The following IL22 variants were observed in gnomAD, a reference collection of about 807,000 sequenced individuals.
IL22 encodes interleukin-22.
Under a neutral mutation model 15.5 loss-of-function variants are expected in IL22, and 15 were observed. The observed-to-expected ratio is 0.97, with a 90% CI of 0.65 to 1.49. The LOEUF is 1.49. Among genes scored for constraint, IL22 ranks in the 40% most tolerant of loss-of-function variants. The probability of loss-of-function intolerance (pLI) is 0.00; values close to 1 mark genes in which losing one functional copy is unlikely to be tolerated. For synonymous variants in IL22, 91 were observed against 82.0 expected (o/e 1.11, Z -0.60); for missense variants, 225 against 215.4 (o/e 1.04, Z -0.28).
In IL22 at chr12:68,252,560, A is replaced by G; in HGVS notation, c.340T>C (p.Tyr114His). 1.2e-6 allele frequency: 2 copies of G among 1,614,000 alleles called. No individual in the cohort carries two copies. Among genetic ancestry groups the G allele is most frequent in the Non-Finnish European group, 1.7e-6 (2 of 1,179,922 alleles). The change falls in exon 4 of 6, where the codon TAT becomes CAT. Residue 114 changes from tyrosine (Y) to histidine (H), a missense_variant. Physicochemically the swap from Tyr to His is moderately conservative, Grantham distance 83 (BLOSUM62 2). Transcript: ENST00000538666. Reference sequence around the variant, plus strand: ...AGGAAGGGCACCACCTCCTGCATATAAGGCTGGAACCTATCAGATTGAGGG... The same window carrying G: ...AGGAAGGGCACCACCTCCTGCATATGAGGCTGGAACCTATCAGATTGAGGG... ...LFPQSDRFQPYMQEVVPFLAR... is the reference protein window; with the variant it reads ...LFPQSDRFQPHMQEVVPFLAR...
intron 3 of IL22, 43 bp from the exon 4 acceptor site, chr12:68,252,690 C>T: frequency 6.2e-7 from 1 of 1,613,460 alleles, no homozygotes; most frequent in Non-Finnish European, 8.5e-7. Context: ...AGGGATAAGA[C>T]CTAAACCATC....
rs1228193212 is a variant in IL22, at chr12:68,251,658, C to A, written c.397-80G>T. On this transcript the variant is annotated intron_variant, in intron 4 of 5. Transcript: ENST00000538666. The stretch of plus-strand genomic sequence containing the variant: ...CCTCCACACCCATGGAGGTACAGTA[C>A]AATTCACCTGGAATTAAAGCTCTTA... 11 of 1,021,870 alleles carry A rather than the reference C, an allele frequency of 1.1e-5. No homozygotes were observed. In the Admixed American group the frequency reaches 1.3e-4, roughly 12 times the overall value. The allele number at this position is 1,021,870 out of a possible 1,614,324, so 63.3% of individuals were successfully genotyped here. A position where few individuals can be genotyped will look rare whatever the true frequency, so the allele number is the denominator to read the frequency against.
chr12:68,250,298 A>G (rs1869882895), intron 5 of IL22, among the ~76,000 whole-genome samples: 1 of 152,248 alleles, frequency 6.6e-6, no homozygotes, highest in Admixed American at 6.5e-5. Flanking sequence ...TTTTTTAAGC[A>G]AGATGTGTAA....
chr12:68,252,284 A>C (rs1869958229), intron 4 of IL22, among the ~76,000 whole-genome samples: 1 of 152,176 alleles, frequency 6.6e-6, no homozygotes, highest in African/African-American at 2.4e-5. Flanking sequence ...CTGTACACTT[A>C]AGTTCCAGAC....
chr12:68,250,630 C>T (rs1009103547), intron 5 of IL22, among the ~76,000 whole-genome samples: 1 of 152,154 alleles, frequency 6.6e-6, no homozygotes. Flanking sequence ...GGGTGAGTCA[C>T]TATTGTTAGT....
At chr12:68,253,238 G>A (rs764799545) in intron 2 of IL22, 25 bp downstream of exon 2, 7 of 1,585,244 alleles carry the variant, frequency 4.4e-6, no homozygotes, top group Non-Finnish European at 6.0e-6. Context: ...GATCCAACGA[G>A]AAAGAGCAGG....
intron 2 of IL22, 146 bp from the exon 3 acceptor site, chr12:68,252,975 A>G (rs1869989264): frequency 1.5e-6 from 1 of 662,278 alleles, no homozygotes; most frequent in Admixed American, 2.9e-5. Flanking sequence ...GTTTAGAACA[A>G]TGCACAGAGG....
At position 68,248,612 on chromosome 12, in the gene IL22, G is replaced by A. The variant is rs1359820743; in HGVS notation, c.*187C>T. On this transcript the variant is annotated 3_prime_UTR_variant, in exon 6 of 6. Coordinates refer to ENST00000538666, the MANE Select transcript of IL22 (RefSeq NM_020525.5). ...CTATGCTTAGAAAGTCTACCTTCTG[G>A]TCTTATAAACAAAAGTGGCATTGGT... 3.6e-6 allele frequency: 2 copies of A among 558,712 alleles called. No homozygotes were observed. Among genetic ancestry groups the A allele is most frequent in the Non-Finnish European group, 6.3e-6 (2 of 315,504 alleles). 34.6% of individuals were successfully genotyped at this position (558,712 alleles called of 1,614,324 possible).
chr12:68,253,559 T>G, intron 1 of IL22, 24 bp downstream of exon 1: 4 of 790,762 alleles, frequency 5.1e-6, no homozygotes, highest in South Asian at 2.4e-5. Flanking sequence ...TAACCAATTG[T>G]ACCAAGTTTG....
At position 68,248,571 on chromosome 12, in the gene IL22, T is replaced by A; in HGVS notation, c.*228A>T. The A allele has an allele frequency of 9.3e-6, 4 of 431,228 alleles. No individual in the cohort carries two copies. Among genetic ancestry groups the A allele is most frequent in the Non-Finnish European group, 1.6e-5 (4 of 243,118 alleles). The allele number at this position is 431,228 out of a possible 1,614,324, so 26.7% of individuals were successfully genotyped here. A position where few individuals can be genotyped will look rare whatever the true frequency, so the allele number is the denominator to read the frequency against. On this transcript the variant is annotated 3_prime_UTR_variant, in exon 6 of 6. Coordinates refer to ENST00000538666, the MANE Select transcript of IL22 (RefSeq NM_020525.5). ...GTATAGAACACCAGTTACAATGAAATGTTATCAATAAATATCTATGCTTAG... is the reference window on the plus strand; with the variant it reads ...GTATAGAACACCAGTTACAATGAAAAGTTATCAATAAATATCTATGCTTAG...
intron 4 of IL22, 113 bp downstream of exon 4, chr12:68,252,391 A>G (rs536341303): frequency 9.3e-7 from 1 of 1,072,070 alleles, no homozygotes; most frequent in African/African-American, 1.6e-5. Flanking sequence ...CTGCCAAGAC[A>G]CTTCTTCCTG....
At chr12:68,250,090 A>G (rs1379950933) in intron 5 of IL22, among the ~76,000 whole-genome samples, 1 of 152,178 alleles carries the variant, frequency 6.6e-6, no homozygotes, top group African/African-American at 2.4e-5. Context: ...TCTCTGAACA[A>G]CATTGCTCTC....
rs747223387 is a variant in IL22, at chr12:68,248,868, C to G, written c.471G>C (p.Glu157Asp). 16 of 1,611,960 alleles carry G rather than the reference C, an allele frequency of 9.9e-6. No individual in the cohort carries two copies. In the Admixed American group the frequency reaches 1.8e-4, roughly 18 times the overall value. ...KLKDTVKKLG[E>D]SGEIKAIGEL... is the part of the protein sequence containing the mutation. ...CTCCAATTGCTTTGATCTCTCCACT[C>G]TCTCCAAGCTGTGAAAATAAGAATG... Residue 157 changes from glutamate to aspartate, a missense_variant, in exon 6 of 6, where the codon GAG becomes GAC. By Grantham distance (45) the Glu-to-Asp change is conservative. Coordinates refer to ENST00000538666, the MANE Select transcript of IL22 (RefSeq NM_020525.5).
intron 2 of IL22, 81 bp from the exon 3 acceptor site, chr12:68,252,910 G>C: frequency 3.8e-6 from 4 of 1,058,598 alleles, no homozygotes; most frequent in South Asian, 1.3e-5. Flanking sequence ...GCCCCATCCC[G>C]TCTCCCCAGA....
intron 5 of IL22, among the ~76,000 whole-genome samples, chr12:68,249,708 A>G (rs1161318644): frequency 6.6e-6 from 1 of 152,182 alleles, no homozygotes; most frequent in Non-Finnish European, 1.5e-5. Context: ...CCCAAACTTA[A>G]TCGAAGAGGA....
intron 5 of IL22, among the ~76,000 whole-genome samples, chr12:68,251,117 C>A (rs887518645): frequency 6.6e-6 from 1 of 152,136 alleles, no homozygotes; most frequent in Non-Finnish European, 1.5e-5. Flanking sequence ...TAAACAAGTA[C>A]TTCTTCAGAT....
At position 68,252,772 on chromosome 12, in the gene IL22, C is replaced by T. The variant is rs1457566187; in HGVS notation, c.244G>A (p.Gly82Arg). ...VRLIGEKLFH[G>R]VSMSERCYLM... Reference sequence around the variant, plus strand: ...TCACAACTGTAGCTTACACTGACTCCGTGGAACAGTTTCTCCCCAATGAGA... The same window carrying T: ...TCACAACTGTAGCTTACACTGACTCTGTGGAACAGTTTCTCCCCAATGAGA... The change falls in exon 3 of 6, where the codon GGA becomes AGA. Residue 82 changes from glycine to arginine, a missense_variant. Coordinates refer to ENST00000538666, the MANE Select transcript of IL22 (RefSeq NM_020525.5). 6.2e-7 allele frequency: 1 copy of T among 1,613,706 alleles called. No individual in the cohort carries two copies. Among genetic ancestry groups the T allele is most frequent in the Non-Finnish European group, 8.5e-7 (1 of 1,179,806 alleles).
Position 68,252,610 on chromosome 12 carries a change from T to G in IL22, c.290A>C (p.Asn97Thr), listed in dbSNP as rs769441953. 6.2e-7 allele frequency: 1 copy of G among 1,613,906 alleles called. No individual in the cohort carries two copies. The highest frequency in any genetic ancestry group is 8.5e-7 in the Non-Finnish European group (1 of 1,179,922). The change falls in exon 4 of 6, where the codon AAC (asparagine) becomes ACC (threonine). Residue 97 changes from asparagine (N) to threonine (T), a missense_variant. Transcript: ENST00000538666. ...GAACAGCACTTCTTCAAGGGTGAAG[T>G]TCAGCACCTGCTTCATCAGATAGCA... ...ERCYLMKQVLNFTLEEVLFPQ... is the reference protein window; with the variant it reads ...ERCYLMKQVLTFTLEEVLFPQ...
intron 4 of IL22, 102 bp from the exon 5 acceptor site, chr12:68,251,680 C>G (rs538668810): frequency 1.9e-5 from 17 of 894,996 alleles, no homozygotes; most frequent in Non-Finnish European, 2.9e-5. Context: ...AATTAAAGCT[C>G]TTAGTAATTT....
Sources: gnomAD v4.1 joint callset for allele counts (sites outside exome capture counted in the v4.1 genomes callset) on GRCh38, gnomAD v4.1.1 for gene constraint, MANE v1.5 for transcripts, NCBI Gene and HGNC (gene_info 2026-07-23, HGNC 2026-07-21) for gene names.